MSH3: variants seen among roughly 807,000 people sequenced by gnomAD.
MSH3 encodes the protein mutS homolog 3, also known as DNA mismatch repair protein Msh3.
A neutral mutation model predicts 123.3 loss-of-function variants in MSH3; 106 were observed. The observed-to-expected ratio is 0.86, with a 90% CI of 0.73 to 1.01. The LOEUF is 1.01. Ranked by LOEUF, MSH3 falls within the 50% of genes least tolerant of loss-of-function variation. The pLI, the probability that MSH3 is intolerant of heterozygous loss-of-function variation, is 0.00. For missense variants in MSH3, 1,459 were observed against 1,347.6 expected (o/e 1.08, Z -1.29); for synonymous variants, 515 against 481.4 (o/e 1.07, Z -0.91).
At chr5:80,824,990 A>G (rs1454891438) in intron 20 of MSH3, among the ~76,000 whole-genome samples, 1 of 152,182 alleles carries the variant, frequency 6.6e-6, no homozygotes, top group African/African-American at 2.4e-5. Context: ...ACCACTGGAA[A>G]GGAATCTACA....
At chr5:80,846,325 C>T (rs974716709) in intron 20 of MSH3, among the ~76,000 whole-genome samples, 2 of 151,864 alleles carry the variant, frequency 1.3e-5, no homozygotes, top group Non-Finnish European at 2.9e-5. Flanking sequence ...TCGGTCCCTA[C>T]TGGGAGGTGT....
chr5:80,679,365 T>C (rs916951555), intron 8 of MSH3, among the ~76,000 whole-genome samples: 13 of 152,226 alleles, frequency 8.5e-5, no homozygotes, highest in Admixed American at 7.2e-4. Context: ...AGATCTCATA[T>C]CTAAAAAACA....
chr5:80,676,521 T>C (rs1225710386), intron 7 of MSH3, among the ~76,000 whole-genome samples: 1 of 152,234 alleles, frequency 6.6e-6, no homozygotes, highest in Non-Finnish European at 1.5e-5. Flanking sequence ...CTTTTTCTAA[T>C]TTCTACGGTC....
intron 20 of MSH3, among the ~76,000 whole-genome samples, chr5:80,847,779 C>T (rs1561497777): frequency 6.6e-6 from 1 of 152,108 alleles, no homozygotes; most frequent in Non-Finnish European, 1.5e-5. Context: ...TATGTCATTA[C>T]CTTTGTTGTT....
At chr5:80,862,192 C>T (rs1746024975) in intron 21 of MSH3, among the ~76,000 whole-genome samples, 2 of 152,188 alleles carry the variant, frequency 1.3e-5, no homozygotes, top group East Asian at 1.9e-4. Context: ...AGAAGGAGCA[C>T]CATGGAGATA....
chr5:80,742,421 A>G (rs1743633471), intron 11 of MSH3, among the ~76,000 whole-genome samples: 1 of 152,274 alleles, frequency 6.6e-6, no homozygotes, highest in South Asian at 2.1e-4. Context: ...GGAAGATGAG[A>G]CATTATATTA....
At chr5:80,806,721 A>C (rs112188782) in intron 19 of MSH3, among the ~76,000 whole-genome samples, 1,785 of 152,174 alleles carry the variant, frequency 0.012, 33 homozygotes, top group African/African-American at 0.041. Context: ...TCCTCTCTCT[A>C]TTTTAGAGTC....
intron 12 of MSH3, among the ~76,000 whole-genome samples, chr5:80,747,794 T>C (rs1048878438): frequency 1.3e-5 from 2 of 152,234 alleles, no homozygotes; most frequent in Non-Finnish European, 2.9e-5. Flanking sequence ...AGTAACATGC[T>C]GTCTGGGTTT....
intron 1 of MSH3, chr5:80,655,680 G>C (rs1361637688): frequency 5.6e-6 from 1 of 179,888 alleles, no homozygotes; most frequent in East Asian, 9.3e-5. Context: ...GATTGAGGCT[G>C]TGGAAGGGCA....
intron 20 of MSH3, among the ~76,000 whole-genome samples, chr5:80,814,022 A>C (rs1348777901): frequency 1.3e-5 from 2 of 151,604 alleles, no homozygotes; most frequent in African/African-American, 2.4e-5. Flanking sequence ...TTAGCCAGGA[A>C]CCTGAGGTGG....
chr5:80,838,833 A>T (rs1053034775), intron 20 of MSH3, among the ~76,000 whole-genome samples: 1 of 152,182 alleles, frequency 6.6e-6, no homozygotes, highest in Non-Finnish European at 1.5e-5. Flanking sequence ...TGTTTCTACC[A>T]TGTTTAGCTG....
chr5:80,786,197 C>G (rs1398064478), intron 17 of MSH3, among the ~76,000 whole-genome samples: 1 of 151,958 alleles, frequency 6.6e-6, no homozygotes, highest in Non-Finnish European at 1.5e-5. Flanking sequence ...CACCTTATTT[C>G]TATTTTATTT....
intron 20 of MSH3, among the ~76,000 whole-genome samples, chr5:80,843,434 G>T (rs1486772585): frequency 6.6e-6 from 1 of 152,176 alleles, no homozygotes. Flanking sequence ...GAGTTAGGGA[G>T]GATTCCCTCT....
At chr5:80,847,588 T>C (rs1183138266) in intron 20 of MSH3, among the ~76,000 whole-genome samples, 1 of 152,182 alleles carries the variant, frequency 6.6e-6, no homozygotes, top group Admixed American at 6.5e-5. Context: ...CATCCCTTGC[T>C]TAATGATGAA....
At chr5:80,779,151 C>T (rs1034860033) in intron 17 of MSH3, among the ~76,000 whole-genome samples, 3 of 152,004 alleles carry the variant, frequency 2.0e-5, no homozygotes, top group Non-Finnish European at 4.4e-5. Flanking sequence ...CACCACTACA[C>T]CCAGCTAATT....
intron 2 of MSH3, among the ~76,000 whole-genome samples, chr5:80,657,863 TGA>T (rs955566651): frequency 1.2e-5 from 1 of 82,978 alleles, no homozygotes; most frequent in African/African-American, 2.8e-5. Flanking sequence ...AGGCGTGACT[TGA>T]GAGAATTTGC....
Position 80,672,135 on chromosome 5 carries a change from G to C in MSH3, c.793-109G>C, listed in dbSNP as rs1677652. The C allele has an allele frequency of 0.25, 205,328 of 819,406 alleles. 27,407 individuals carry two copies. Among genetic ancestry groups the C allele is most frequent in the Middle Eastern group, 0.38 (1,065 of 2,836 alleles). 50.8% of individuals were successfully genotyped at this position (819,406 alleles called of 1,614,324 possible). On this transcript the variant is annotated intron_variant, in intron 4 of 23. Transcript: ENST00000265081. The stretch of plus-strand genomic sequence containing the variant: ...GACATAGTACACATTTAGATTAAGT[G>C]TACAAATCCTAAATGTATACCTTGA...
At chr5:80,836,290 ATGATTCATTTCAACT>A (rs974067594) in intron 20 of MSH3, among the ~76,000 whole-genome samples, 6 of 152,170 alleles carry the variant, frequency 3.9e-5, no homozygotes, top group African/African-American at 1.4e-4. Context: ...GTAAAAACAA[ATGATTCATTTCAACT>A]TGTATTGAAC....
At chr5:80,789,167 G>A (rs1401025286) in intron 18 of MSH3, among the ~76,000 whole-genome samples, 3 of 152,042 alleles carry the variant, frequency 2.0e-5, no homozygotes, top group Middle Eastern at 3.2e-3. Flanking sequence ...ACTTGGCAGA[G>A]CACCTAGGAT....
Sources: gnomAD v4.1 joint callset for allele counts (sites outside exome capture counted in the v4.1 genomes callset) on GRCh38, gnomAD v4.1.1 for gene constraint, MANE v1.5 for transcripts, NCBI Gene and HGNC (gene_info 2026-07-23, HGNC 2026-07-21) for gene names.